The following NEK10 variants were observed in gnomAD, a reference collection of about 807,000 sequenced individuals.
The protein encoded by NEK10 is serine/threonine-protein kinase Nek10.
In NEK10, 122 loss-of-function variants were observed where a neutral mutation model predicts 159.8. That is an observed-to-expected ratio of 0.76 (90% confidence interval 0.66 to 0.89). The LOEUF (loss-of-function observed/expected upper bound fraction) is 0.89. Among genes scored for constraint, NEK10 ranks in the 40% least tolerant of loss-of-function variants. The probability of loss-of-function intolerance (pLI) is 0.00; values close to 1 mark genes in which losing one functional copy is unlikely to be tolerated. For synonymous variants in NEK10, 466 were observed against 457.1 expected (o/e 1.02, Z -0.25); for missense variants, 1,342 against 1,323.1 (o/e 1.01, Z -0.22).
At chr3:27,308,645 A>G in intron 10 of NEK10, among the ~76,000 whole-genome samples, 1 of 152,212 alleles carries the variant, frequency 6.6e-6, no homozygotes, top group South Asian at 2.1e-4. Context: ...CCAAAGAAAT[A>G]TTATGGTAAT....
chr3:27,138,596 C>T (rs987359167), intron 31 of NEK10, among the ~76,000 whole-genome samples: 5 of 152,162 alleles, frequency 3.3e-5, no homozygotes, highest in African/African-American at 1.2e-4. Context: ...ATTAAACCTT[C>T]CCTGTTGAAA....
At chr3:27,287,856 T>G (rs1172607365) in intron 19 of NEK10, 113 bp from the exon 20 acceptor site, 1 of 1,141,278 alleles carries the variant, frequency 8.8e-7, no homozygotes, top group African/African-American at 1.6e-5. Flanking sequence ...TATATTTATT[T>G]ACAAAACTAA....
At chr3:27,325,583 TA>T (rs2045947896) in intron 5 of NEK10, among the ~76,000 whole-genome samples, 1 of 152,030 alleles carries the variant, frequency 6.6e-6, no homozygotes, top group Admixed American at 6.6e-5. Context: ...TCCTCAAAGT[TA>T]GGATGAACAT....
chr3:27,141,492 T>C lies in NEK10; in HGVS notation c.2960A>G (p.Tyr987Cys), dbSNP rs1180214647. Residue 987 changes from tyrosine to cysteine, a missense_variant, in exon 31 of 36, where the codon TAT (tyrosine) becomes TGT (cysteine). Transcript: ENST00000691995. ...AGCTAGAACACTGACCTGTGTGATA[T>C]AGATTATTTTGTGCAGCTGAATTAA... is the stretch of plus-strand genomic sequence containing the variant. ...QILIQLHKII[Y>C]ITQLPPALHH... 4.3e-6 allele frequency: 7 copies of C among 1,611,422 alleles called. No individual in the cohort carries two copies. The South Asian group carries it at 5.5e-5, about 13-fold the overall frequency.
intron 23 of NEK10, among the ~76,000 whole-genome samples, chr3:27,248,892 G>C (rs181763249): frequency 1.3e-3 from 204 of 152,284 alleles, no homozygotes; most frequent in African/African-American, 4.6e-3. Context: ...TGCAGATTAA[G>C]TCCAATGATC....
intron 22 of NEK10, among the ~76,000 whole-genome samples, chr3:27,266,268 T>C (rs1209504884): frequency 2.0e-5 from 3 of 152,232 alleles, no homozygotes; most frequent in Non-Finnish European, 2.9e-5. Flanking sequence ...AGCCCAATAC[T>C]GCAAAGACTA....
At chr3:27,265,093 T>C (rs1236326081) in intron 22 of NEK10, among the ~76,000 whole-genome samples, 1 of 152,112 alleles carries the variant, frequency 6.6e-6, no homozygotes, top group Non-Finnish European at 1.5e-5. Context: ...CTTAACCTGA[T>C]AAAGAGCATC....
chr3:27,352,417 A>G, intron 3 of NEK10, 48 bp downstream of exon 3: 2 of 1,223,380 alleles, frequency 1.6e-6, no homozygotes, highest in East Asian at 2.3e-5. Flanking sequence ...CTTTGGAAAC[A>G]TATGATTTTT....
chr3:27,308,618 T>A (rs1396382070), intron 10 of NEK10, among the ~76,000 whole-genome samples: 3 of 152,126 alleles, frequency 2.0e-5, no homozygotes, highest in Non-Finnish European at 4.4e-5. Context: ...ATTAAGATGG[T>A]CAGAAAGATT....
chr3:27,149,592 A>G (rs1222201440), intron 30 of NEK10, among the ~76,000 whole-genome samples: 2 of 152,168 alleles, frequency 1.3e-5, no homozygotes, highest in Non-Finnish European at 2.9e-5. Context: ...CTGCACTCAT[A>G]TAAGATAGTA....
At chr3:27,316,230 G>C (rs17239342) in intron 6 of NEK10, among the ~76,000 whole-genome samples, 35,258 of 152,116 alleles carry the variant, frequency 0.23, 4,459 homozygotes, top group Middle Eastern at 0.37. Flanking sequence ...CTGGAGATGG[G>C]GAGCGTATCA....
At position 27,174,812 on chromosome 3, in the gene NEK10, A is replaced by C; in HGVS notation, c.2527T>G (p.Leu843Val). 1.9e-6 allele frequency: 3 copies of C among 1,596,898 alleles called. No individual in the cohort carries two copies. The highest frequency in any genetic ancestry group is 1.1e-5 in the South Asian group (1 of 88,002). The stretch of plus-strand genomic sequence containing the variant: ...GCTGCTCCACTGCTGCTGCTACTCA[A>C]ACTTGCCTTCTCAAAGGTCTCCTGG... ...LSHETFEKAS[L>V]SSSSSGAASL... Residue 843 changes from leucine (L) to valine (V), a missense_variant, in exon 27 of 36, where the codon TTG (leucine) becomes GTG (valine). Transcript: ENST00000691995.
Position 27,173,610 on chromosome 3 carries a change from T to C in NEK10, c.2776+829A>G, listed in dbSNP as rs188042134. Among the ~76,000 whole-genome samples, 30 of 152,296 alleles carry C rather than the reference T, an allele frequency of 2.0e-4. No homozygotes were observed. In the East Asian group the frequency reaches 5.4e-3, roughly 27 times the overall value. On this transcript the variant is annotated intron_variant, in intron 28 of 35. Coordinates refer to ENST00000691995, the MANE Select transcript of NEK10 (RefSeq NM_001394966.1). ...AAAGAATGTAGCTAAATCCTTAGGG[T>C]TCTACTTTGATCCTTAGAGAAGCTA...
chr3:27,348,651 C>G (rs1309530110), intron 3 of NEK10, among the ~76,000 whole-genome samples: 1 of 152,124 alleles, frequency 6.6e-6, no homozygotes, highest in Non-Finnish European at 1.5e-5. Flanking sequence ...CAAGCACTTG[C>G]CCAGGCCTTC....
At chr3:27,321,944 T>A (rs2045670018) in intron 6 of NEK10, among the ~76,000 whole-genome samples, 1 of 152,198 alleles carries the variant, frequency 6.6e-6, no homozygotes. Context: ...AAAAGTTCAA[T>A]CCACTTAATC....
At chr3:27,253,564 TA>T (rs1483670391) in intron 23 of NEK10, among the ~76,000 whole-genome samples, 6 of 152,166 alleles carry the variant, frequency 3.9e-5, no homozygotes, top group African/African-American at 1.4e-4. Context: ...ACCCTTTATC[TA>T]GCAGCTGAAT....
chr3:27,238,407 A>AT (rs1954181431), intron 23 of NEK10, among the ~76,000 whole-genome samples: 1 of 152,070 alleles, frequency 6.6e-6, no homozygotes. Context: ...TCTTAATGGG[A>AT]TTTTTTCTTC....
At chr3:27,176,197 A>C (rs1947490059) in intron 26 of NEK10, among the ~76,000 whole-genome samples, 1 of 152,176 alleles carries the variant, frequency 6.6e-6, no homozygotes, top group Non-Finnish European at 1.5e-5. Context: ...ATTGCTGTTT[A>C]TTTCTTTTCC....
chr3:27,336,762 A>G (rs1393913914), intron 5 of NEK10, among the ~76,000 whole-genome samples: 1 of 152,210 alleles, frequency 6.6e-6, no homozygotes, highest in Non-Finnish European at 1.5e-5. Context: ...GATCATCTCA[A>G]TAGATGCAGA....
Sources: gnomAD v4.1 joint callset for allele counts (sites outside exome capture counted in the v4.1 genomes callset) on GRCh38, gnomAD v4.1.1 for gene constraint, MANE v1.5 for transcripts, NCBI Gene and HGNC (gene_info 2026-07-23, HGNC 2026-07-21) for gene names.